THRB: variants seen among roughly 807,000 people sequenced by gnomAD.
THRB encodes the protein thyroid hormone receptor beta.
THRB carries 12 observed loss-of-function variants against 47.8 expected under a neutral mutation model. The ratio of observed to expected loss-of-function variants is 0.25; its 90% CI spans 0.16 to 0.41. The LOEUF (loss-of-function observed/expected upper bound fraction) is 0.41. Ranked by LOEUF, THRB falls within the 10% of genes least tolerant of loss-of-function variation. The pLI, the probability that THRB is intolerant of heterozygous loss-of-function variation, is 1.00. For synonymous variants in THRB, 218 were observed against 212.2 expected (o/e 1.03, Z -0.24); for missense variants, 348 against 589.2 (o/e 0.59, Z 4.24).
At chr3:24,174,271 G>A (rs2040843222) in intron 5 of THRB, among the ~76,000 whole-genome samples, 1 of 152,174 alleles carries the variant, frequency 6.6e-6, no homozygotes, top group Non-Finnish European at 1.5e-5. Context: ...ATCTGTTCAA[G>A]TAGAAATTAC....
intron 2 of THRB, among the ~76,000 whole-genome samples, chr3:24,324,352 C>T (rs1046011735): frequency 2.6e-5 from 4 of 152,138 alleles, no homozygotes. Context: ...AAAACCTCCC[C>T]TTGTCTACAG....
At chr3:24,387,972 T>C (rs2066265694) in intron 1 of THRB, among the ~76,000 whole-genome samples, 1 of 152,108 alleles carries the variant, frequency 6.6e-6, no homozygotes, top group South Asian at 2.1e-4. Flanking sequence ...AACCTCATCC[T>C]TGTGTTCAGG....
At chr3:24,431,691 TA>T (rs1386247221) in intron 1 of THRB, among the ~76,000 whole-genome samples, 3 of 152,262 alleles carry the variant, frequency 2.0e-5, no homozygotes, top group African/African-American at 7.2e-5. Flanking sequence ...ACAGTAGCTT[TA>T]TTTGTAATAG....
intron 4 of THRB, among the ~76,000 whole-genome samples, chr3:24,196,313 G>A (rs114045620): frequency 0.013 from 1,943 of 152,152 alleles, 30 homozygotes; most frequent in African/African-American, 0.042. Flanking sequence ...TGGTAGCCTC[G>A]TGAGAGGTGG....
intron 3 of THRB, among the ~76,000 whole-genome samples, chr3:24,290,138 G>C (rs2055770746): frequency 6.6e-6 from 1 of 152,096 alleles, no homozygotes; most frequent in African/African-American, 2.4e-5. Context: ...TGTCTGAGCT[G>C]CAAAAAATGA....
intron 1 of THRB, among the ~76,000 whole-genome samples, chr3:24,466,550 C>T (rs1001013157): frequency 1.5e-4 from 23 of 152,122 alleles, no homozygotes; most frequent in African/African-American, 5.3e-4. Flanking sequence ...GTTTAGAGTA[C>T]CCTCCAATCT....
rs377561177 is a variant in THRB at position 24,146,850 on chromosome 3, A to C, written c.385-28T>G. ...ATATGAAAAACAAAGACCCAAGACA[A>C]CAGTTTCATATTTTCTTGAAATCAG... On this transcript the variant is annotated intron_variant, in intron 6 of 10. Coordinates refer to ENST00000646209, the MANE Select transcript of THRB (RefSeq NM_001354712.2). The C allele has an allele frequency of 2.0e-5, 32 of 1,608,788 alleles. No homozygotes were observed. In the African/African-American group the frequency reaches 3.6e-4, roughly 18 times the overall value.
chr3:24,350,631 G>A (rs1234449612), intron 1 of THRB, among the ~76,000 whole-genome samples: 1 of 152,134 alleles, frequency 6.6e-6, no homozygotes, highest in East Asian at 1.9e-4. Context: ...AGAACTCCAG[G>A]GAGTTCAGTC....
chr3:24,126,309 A>C (rs987329768), intron 10 of THRB, among the ~76,000 whole-genome samples: 8 of 152,110 alleles, frequency 5.3e-5, no homozygotes, highest in African/African-American at 1.9e-4. Context: ...TAAGCCCAGC[A>C]GGTCAAGCCT....
At chr3:24,362,652 C>T (rs1354280051) in intron 1 of THRB, among the ~76,000 whole-genome samples, 1 of 152,192 alleles carries the variant, frequency 6.6e-6, no homozygotes, top group Non-Finnish European at 1.5e-5. Context: ...GTGCCTAAGG[C>T]AAGGCCAGGC....
chr3:24,228,553 GC>G, intron 4 of THRB, among the ~76,000 whole-genome samples: 1 of 150,132 alleles, frequency 6.7e-6, no homozygotes, highest in East Asian at 1.9e-4. Flanking sequence ...AATCACTTGA[GC>G]CCTGGGAGGT....
rs756126689 is a variant in THRB, at chr3:24,143,615, G to A, written c.624C>T (p.Ile208=). ...KRRREELQKS[I]GHKPEPTDEE... Reference sequence around the variant, plus strand: ...CGTCTGTGGGCTCTGGCTTGTGCCCGATGGACTTCTGCAGCTCTTCCCGCC... The same window carrying A: ...CGTCTGTGGGCTCTGGCTTGTGCCCAATGGACTTCTGCAGCTCTTCCCGCC... The change falls in exon 8 of 11, where the codon ATC becomes ATT. Residue 208 remains isoleucine, a synonymous_variant. Transcript: ENST00000646209. 6 of 1,614,180 alleles carry A rather than the reference G, an allele frequency of 3.7e-6. No individual in the cohort carries two copies. The highest frequency in any genetic ancestry group is 2.2e-5 in the East Asian group (1 of 44,884).
At chr3:24,230,679 C>T (rs1217927998) in intron 3 of THRB, among the ~76,000 whole-genome samples, 1 of 152,156 alleles carries the variant, frequency 6.6e-6, no homozygotes, top group Non-Finnish European at 1.5e-5. Context: ...TAACCACCCC[C>T]TCTGAACCCA....
intron 3 of THRB, among the ~76,000 whole-genome samples, chr3:24,239,763 G>A (rs1030207264): frequency 2.0e-5 from 3 of 152,106 alleles, no homozygotes; most frequent in African/African-American, 7.2e-5. Flanking sequence ...TTCCTGCAAT[G>A]TGATGGCTTG....
chr3:24,266,398 G>A (rs1160698246), intron 3 of THRB, among the ~76,000 whole-genome samples: 2 of 152,128 alleles, frequency 1.3e-5, no homozygotes, highest in African/African-American at 4.8e-5. Context: ...GGAGTGGGCC[G>A]AATCCAAAGA....
rs556004137 is a variant in THRB at position 24,183,097 on chromosome 3, A to T, written c.283+6977T>A. On this transcript the variant is annotated intron_variant, in intron 5 of 10. Coordinates refer to ENST00000646209, the MANE Select transcript of THRB (RefSeq NM_001354712.2). ...AAAAATACTTTGGTTGTTGCTATGGACTTTTTTTTCAACTGTTTATGCCTC... is the reference window on the plus strand; with the variant it reads ...AAAAATACTTTGGTTGTTGCTATGGTCTTTTTTTTCAACTGTTTATGCCTC... 4.0e-5 allele frequency among the ~76,000 whole-genome samples: 6 copies of T among 151,890 alleles called. No homozygotes were observed. The East Asian group carries it at 5.8e-4, about 15-fold the overall frequency.
At chr3:24,319,421 G>T (rs1275270192) in intron 2 of THRB, among the ~76,000 whole-genome samples, 1 of 152,080 alleles carries the variant, frequency 6.6e-6, no homozygotes, top group African/African-American at 2.4e-5. Context: ...TGTAACAACA[G>T]GTATGAATCT....
chr3:24,158,230 G>A (rs999505302), intron 5 of THRB, among the ~76,000 whole-genome samples: 1 of 152,132 alleles, frequency 6.6e-6, no homozygotes, highest in Non-Finnish European at 1.5e-5. Flanking sequence ...AACTAGAAAG[G>A]TAGCCCTACC....
chr3:24,372,908 G>A (rs999156682), intron 1 of THRB, among the ~76,000 whole-genome samples: 4 of 152,064 alleles, frequency 2.6e-5, no homozygotes, highest in Admixed American at 1.3e-4. Context: ...AATATCAAAA[G>A]AGAGAATGTT....
Sources: allele counts gnomAD v4.1 joint callset (sites outside exome capture counted in the v4.1 genomes callset), GRCh38; gene constraint gnomAD v4.1.1; transcripts MANE v1.5; gene names NCBI Gene and HGNC (gene_info 2026-07-23, HGNC 2026-07-21).